LARS2: variants seen among roughly 807,000 people sequenced by gnomAD.
LARS2 encodes leucine--tRNA ligase, mitochondrial.
LARS2 carries 81 observed loss-of-function variants against 116.6 expected under a neutral mutation model. The observed-to-expected ratio is 0.69, with a 90% CI of 0.58 to 0.84. LARS2 has a LOEUF of 0.84. Among genes scored for constraint, LARS2 ranks in the 40% least tolerant of loss-of-function variants. LARS2 has a pLI of 0.00. For missense variants in LARS2, 968 were observed against 1,114.5 expected (o/e 0.87, Z 1.87); for synonymous variants, 396 against 407.2 (o/e 0.97, Z 0.33).
rs1274342089 is a variant in LARS2 at position 45,415,877 on chromosome 3, AGAGAGAGAGAGAGAGG to A, written c.364-1589_364-1574del. ...AAAAAAAAAATATATATATATATAT[AGAGAGAGAGAGAGAGG>A]GAGAGAGAGAGAGAGAGAGAGAGAG... On this transcript the variant is annotated intron_variant, in intron 4 of 21. Coordinates refer to ENST00000645846, the MANE Select transcript of LARS2 (RefSeq NM_015340.4). Among the ~76,000 whole-genome samples, 231 of 93,960 alleles carry A rather than the reference AGAGAGAGAGAGAGAGG, an allele frequency of 2.5e-3. 2 individuals are homozygous for A. The highest frequency in any genetic ancestry group is 0.022 in the African/African-American group (211 of 9,418). The allele number at this position is 93,960 out of a possible 152,430, so 61.6% of individuals were successfully genotyped here.
Position 45,546,035 on chromosome 3 carries a change from C to T in LARS2, c.2533-1316C>T, listed in dbSNP as rs80238331. 1.4e-3 allele frequency among the ~76,000 whole-genome samples: 213 copies of T among 152,268 alleles called. 2 individuals carry two copies. The East Asian group carries it at 0.028, about 20-fold the overall frequency. On this transcript the variant is annotated intron_variant, in intron 21 of 21. Transcript: ENST00000645846. ...GCCTAAGAGTCAAACCTGAATCTCC[C>T]CACATGAGAGCACCATGCTCCCCCT...
At chr3:45,417,865 AAAG>A (rs1283859479) in intron 5 of LARS2, among the ~76,000 whole-genome samples, 3 of 152,202 alleles carry the variant, frequency 2.0e-5, no homozygotes, top group Non-Finnish European at 4.4e-5. Context: ...GGGTTAGGAA[AAAG>A]AAGAGGGTCG....
chr3:45,539,373 G>A, intron 20 of LARS2, among the ~76,000 whole-genome samples: 1 of 152,254 alleles, frequency 6.6e-6, no homozygotes, highest in East Asian at 1.9e-4. Flanking sequence ...GCTTATGCCT[G>A]TAATCCCAGC....
At chr3:45,481,574 GT>G (rs1173059067) in intron 10 of LARS2, among the ~76,000 whole-genome samples, 4 of 152,258 alleles carry the variant, frequency 2.6e-5, no homozygotes, top group African/African-American at 9.6e-5. Context: ...CCTCAGTGTA[GT>G]TTTAATTTGC....
chr3:45,398,820 AAG>A (rs1218385989), intron 3 of LARS2, among the ~76,000 whole-genome samples: 1 of 152,198 alleles, frequency 6.6e-6, no homozygotes, highest in South Asian at 2.1e-4. Flanking sequence ...GACGTGGAGA[AAG>A]AGGTGACTAA....
intron 5 of LARS2, 34 bp from the exon 6 acceptor site, chr3:45,419,635 C>T (rs576234760): frequency 6.3e-7 from 1 of 1,575,196 alleles, no homozygotes; most frequent in Non-Finnish European, 8.7e-7. Context: ...AATCCCCTCT[C>T]TAAAAACCAA....
intron 16 of LARS2, among the ~76,000 whole-genome samples, chr3:45,514,721 C>A (rs1460800516): frequency 6.6e-6 from 1 of 152,206 alleles, no homozygotes; most frequent in East Asian, 1.9e-4. Flanking sequence ...ACGAGGGTGA[C>A]TTTTTCTAAC....
chr3:45,427,454 C>G (rs2125692449), intron 6 of LARS2, among the ~76,000 whole-genome samples: 1 of 152,180 alleles, frequency 6.6e-6, no homozygotes, highest in African/African-American at 2.4e-5. Context: ...GCTTCCAAAC[C>G]TTATTAGGTA....
intron 4 of LARS2, among the ~76,000 whole-genome samples, chr3:45,407,687 G>A (rs1698253343): frequency 6.6e-6 from 1 of 152,156 alleles, no homozygotes. Flanking sequence ...AGCAGTTTTT[G>A]GAGAAGCAGT....
rs918617335 is a variant in LARS2 at position 45,516,119 on chromosome 3, G to A, written c.1887G>A (p.Thr629=). 9.9e-6 allele frequency: 16 copies of A among 1,613,946 alleles called. No individual in the cohort carries two copies. The highest frequency in any genetic ancestry group is 3.3e-4 in the Middle Eastern group (2 of 6,084). ...GTTCCGTTCCTGTTCATGCAAAAAC[G>A]AAAGAGAAGTTAGAGGTGACGTGGG... is the stretch of plus-strand genomic sequence containing the variant. The part of the protein sequence containing the change: ...LTGSVPVHAK[T]KEKLEVTWEK... Residue 629 remains threonine, a synonymous_variant, in exon 17 of 22, where the codon ACG becomes ACA. Coordinates refer to ENST00000645846, the MANE Select transcript of LARS2 (RefSeq NM_015340.4).
chr3:45,543,126 A>G (rs1700822244), intron 21 of LARS2, among the ~76,000 whole-genome samples: 1 of 152,196 alleles, frequency 6.6e-6, no homozygotes, highest in African/African-American at 2.4e-5. Context: ...CTCCCCTGGC[A>G]CTGTGTTCTC....
In LARS2 at chr3:45,389,860, G is replaced by T. The variant is rs1252471318; in HGVS notation, c.-88+1180G>T. On this transcript the variant is annotated intron_variant, in intron 1 of 21. Coordinates refer to ENST00000645846, the MANE Select transcript of LARS2 (RefSeq NM_015340.4). ...CAGTCCATCAGGGCTTTGGTGGAGG[G>T]GTACTTGGAGTGGCCAAGAACAAGG... Among the ~76,000 whole-genome samples, 3 of 152,270 alleles carry T rather than the reference G, an allele frequency of 2.0e-5. 1 individual carries two copies. The highest frequency in any genetic ancestry group is 4.4e-5 in the Non-Finnish European group (3 of 68,022).
At chr3:45,514,895 C>T (rs553206022) in intron 16 of LARS2, among the ~76,000 whole-genome samples, 65 of 152,342 alleles carry the variant, frequency 4.3e-4, no homozygotes, top group African/African-American at 1.5e-3. Flanking sequence ...TCTCTGCTGT[C>T]ATGGGGTCAG....
At chr3:45,523,182 TC>T (rs1428536284) in intron 19 of LARS2, among the ~76,000 whole-genome samples, 1 of 152,142 alleles carries the variant, frequency 6.6e-6, no homozygotes, top group East Asian at 1.9e-4. Flanking sequence ...ATTTGGGAAG[TC>T]CTTAATAATA....
chr3:45,513,033 G>T, intron 15 of LARS2, 102 bp from the exon 16 acceptor site: 1 of 786,508 alleles, frequency 1.3e-6, no homozygotes. Context: ...CTTTTATGAG[G>T]GGCAGCTACT....
intron 8 of LARS2, among the ~76,000 whole-genome samples, chr3:45,466,845 T>C (rs1281538632): frequency 2.0e-5 from 3 of 152,126 alleles, no homozygotes; most frequent in Non-Finnish European, 4.4e-5. Context: ...GCCTCCTGAG[T>C]AGCTGGGATT....
At chr3:45,531,163 G>T (rs1322139431) in intron 20 of LARS2, among the ~76,000 whole-genome samples, 1 of 152,000 alleles carries the variant, frequency 6.6e-6, no homozygotes, top group East Asian at 1.9e-4. Context: ...ATTGTGAGTT[G>T]ATAGTCTTCT....
chr3:45,416,298 G>A (rs933497445), intron 4 of LARS2, among the ~76,000 whole-genome samples: 4 of 151,844 alleles, frequency 2.6e-5, no homozygotes, highest in African/African-American at 4.8e-5. Flanking sequence ...GAAGAAATGG[G>A]GAGTGGGCCT....
intron 19 of LARS2, among the ~76,000 whole-genome samples, chr3:45,521,641 A>T (rs1271496109): frequency 1.3e-5 from 2 of 152,258 alleles, no homozygotes; most frequent in Non-Finnish European, 2.9e-5. Context: ...TGGTCAAAGC[A>T]TATGAAAAGA....
Sources: gnomAD v4.1 joint callset for allele counts (sites outside exome capture counted in the v4.1 genomes callset) on GRCh38, gnomAD v4.1.1 for gene constraint, MANE v1.5 for transcripts, NCBI Gene and HGNC (gene_info 2026-07-23, HGNC 2026-07-21) for gene names.